TMEM273: variants seen among roughly 807,000 people sequenced by gnomAD.
TMEM273 encodes transmembrane protein 273.
Under a neutral mutation model 17.9 loss-of-function variants are expected in TMEM273, and 19 were observed. The observed-to-expected ratio is 1.06, with a 90% CI of 0.74 to 1.55. The LOEUF (loss-of-function observed/expected upper bound fraction) is 1.55. TMEM273 is among the 40% of genes most tolerant of loss of function. The pLI, the probability that TMEM273 is intolerant of heterozygous loss-of-function variation, is 0.00. For missense variants in TMEM273, 194 were observed against 155.6 expected, an observed-to-expected ratio of 1.25 and a Z score of -1.31; for synonymous variants, 66 against 62.0, an observed-to-expected ratio of 1.07 and a Z score of -0.31.
chr10:49,187,077 AG>A (rs1333363173), intron 1 of TMEM273, among the ~76,000 whole-genome samples: 2 of 152,142 alleles, frequency 1.3e-5, no homozygotes, highest in Non-Finnish European at 2.9e-5. Context: ...TTTTTGTACC[AG>A]GACAGACTAG....
intron 5 of TMEM273, among the ~76,000 whole-genome samples, chr10:49,162,995 C>T (rs1043873592): frequency 6.6e-6 from 1 of 152,224 alleles, no homozygotes; most frequent in African/African-American, 2.4e-5. Context: ...CATCTGAGTG[C>T]TGCCCTTGGG....
rs1846525354 is a variant in TMEM273 at position 49,170,942 on chromosome 10, G to C, written c.44-2980C>G. Among the ~76,000 whole-genome samples the C allele has an allele frequency of 2.0e-5, 3 of 152,350 alleles. No individual in the cohort carries two copies. In the South Asian group the frequency reaches 6.2e-4, roughly 32 times the overall value. ...GTCCCCTGGCTCTGCAAAGTAGCTG[G>C]AGGATGGCTGGCCCTAGCAGGCCTG... is the stretch of plus-strand genomic sequence containing the variant. On this transcript the variant is annotated intron_variant, in intron 1 of 6. Transcript: ENST00000374153.
At position 49,166,998 on chromosome 10, in the gene TMEM273, C is replaced by T. The variant is rs376058804; in HGVS notation, c.109G>A (p.Ala37Thr). ...TPGAEIDFKY[A>T]LIGTAVGVAI... ...ACACCCACAGCAGTCCCGATGAGGG[C>T]GTACTTGAAATCTGAAACGCAGGGA... Residue 37 changes from alanine to threonine, a missense_variant, in exon 3 of 7, where the codon GCC (alanine) becomes ACC (threonine). Coordinates refer to ENST00000374153, the MANE Select transcript of TMEM273 (RefSeq NM_001288740.3). 42 of 1,613,880 alleles carry T rather than the reference C, an allele frequency of 2.6e-5. No individual in the cohort carries two copies. The highest frequency in any genetic ancestry group is 1.6e-4 in the Middle Eastern group (1 of 6,082).
rs143639349 is a variant in TMEM273, at chr10:49,155,880, C to T, written c.*12G>A. ...GCTAGAACCCCTCTTCACGTCACTG[C>T]TCACCTACAGCTCAATCACCTGTGC... On this transcript the variant is annotated 3_prime_UTR_variant, in exon 7 of 7. Transcript: ENST00000374153. The T allele has an allele frequency of 4.3e-6, 7 of 1,614,208 alleles. No individual in the cohort carries two copies. The African/African-American group carries it at 6.7e-5, about 15-fold the overall frequency.
In TMEM273 at chr10:49,166,940, A is replaced by C; in HGVS notation, c.167T>G (p.Ile56Ser). 1 of 1,614,124 alleles carries C rather than the reference A, an allele frequency of 6.2e-7. No individual in the cohort carries two copies. The highest frequency in any genetic ancestry group is 8.5e-7 in the Non-Finnish European group (1 of 1,180,018). ...AAATAAGTGCCTCCTGATCATGCAG[A>C]TCTTCAGGGCCAGGAAGCCAGCAGA... ...AISAGFLALK[I>S]CMIRRHLFDD... The change falls in exon 3 of 7, where the codon ATC (isoleucine) becomes AGC (serine). Residue 56 changes from isoleucine (I) to serine (S), a missense_variant. Physicochemically the swap from Ile to Ser is moderately radical, Grantham distance 142. Coordinates refer to ENST00000374153, the MANE Select transcript of TMEM273 (RefSeq NM_001288740.3).
At chr10:49,174,862 G>A (rs1159071824) in intron 1 of TMEM273, among the ~76,000 whole-genome samples, 4 of 152,156 alleles carry the variant, frequency 2.6e-5, no homozygotes, top group Non-Finnish European at 4.4e-5. Context: ...CTGACGCTAA[G>A]GCTTCTGGAA....
chr10:49,170,836 C>A (rs955421119), intron 1 of TMEM273, among the ~76,000 whole-genome samples: 2 of 152,198 alleles, frequency 1.3e-5, no homozygotes, highest in Non-Finnish European at 1.5e-5. Context: ...GCCGGCCCCA[C>A]CCCTGCATCC....
intron 6 of TMEM273, among the ~76,000 whole-genome samples, chr10:49,160,027 A>G (rs1465258403): frequency 2.0e-5 from 3 of 152,242 alleles, no homozygotes; most frequent in African/African-American, 7.2e-5. Context: ...TAGAATAAAA[A>G]GGCTTCCTTG....
At chr10:49,166,747 T>A (rs1296467698) in intron 3 of TMEM273, 122 bp downstream of exon 3, 12 of 1,455,798 alleles carry the variant, frequency 8.2e-6, no homozygotes, top group Non-Finnish European at 1.1e-5. Flanking sequence ...GTCACTGCCT[T>A]CCTTTACAGC....
chr10:49,166,856 C>T lies in TMEM273; in HGVS notation c.238+13G>A. 1.9e-6 allele frequency: 3 copies of T among 1,613,248 alleles called. No individual in the cohort carries two copies. The highest frequency in any genetic ancestry group is 2.5e-6 in the Non-Finnish European group (3 of 1,179,950). ...GGTGGGGCAGAGCCAGGCCCGAGCA[C>T]CACATCCCTCACCACTGAGGCCCCC... On this transcript the variant is annotated intron_variant, in intron 3 of 6. Transcript: ENST00000374153.
chr10:49,160,437 T>G (rs560874544), intron 6 of TMEM273: 2 of 152,180 alleles, frequency 1.3e-5, no homozygotes, highest in Admixed American at 6.5e-5. Context: ...ACAACGGGGC[T>G]TAGGGACTTC....
chr10:49,175,098 C>G (rs895438148), intron 1 of TMEM273, among the ~76,000 whole-genome samples: 2 of 151,902 alleles, frequency 1.3e-5, no homozygotes, highest in African/African-American at 4.8e-5. Flanking sequence ...TGTGCCCAGA[C>G]AGGGAATGTG....
chr10:49,160,113 A>G (rs961911526), intron 6 of TMEM273, among the ~76,000 whole-genome samples: 1 of 152,250 alleles, frequency 6.6e-6, no homozygotes, highest in Non-Finnish European at 1.5e-5. Context: ...ACCAATGGCA[A>G]AAACTGCTTG....
At chr10:49,158,822 C>G (rs1845670748) in intron 6 of TMEM273, among the ~76,000 whole-genome samples, 2 of 152,226 alleles carry the variant, frequency 1.3e-5, no homozygotes, top group South Asian at 4.2e-4. Context: ...TTAACTCATA[C>G]CACACACCAG....
At chr10:49,176,743 C>T (rs760537981) in intron 1 of TMEM273, among the ~76,000 whole-genome samples, 4 of 152,202 alleles carry the variant, frequency 2.6e-5, no homozygotes, top group East Asian at 1.9e-4. Flanking sequence ...GCAGAGGAAA[C>T]GGCAGCACAC....
chr10:49,179,094 A>T (rs1847181565), intron 1 of TMEM273, among the ~76,000 whole-genome samples: 1 of 152,196 alleles, frequency 6.6e-6, no homozygotes, highest in Non-Finnish European at 1.5e-5. Context: ...AGCAGGGGAG[A>T]GTGAGCCCAG....
intron 1 of TMEM273, chr10:49,178,282 C>T (rs1847123857): frequency 2.2e-6 from 1 of 457,226 alleles, no homozygotes; most frequent in Non-Finnish European, 4.4e-6. Flanking sequence ...GATGGCACGC[C>T]ACCTGTCCCA....
intron 1 of TMEM273, 35 bp downstream of exon 1, chr10:49,188,259 C>T (rs751984505): frequency 4.3e-6 from 7 of 1,612,222 alleles, no homozygotes; most frequent in South Asian, 1.1e-5. Context: ...CACTGAGGCT[C>T]CCCCGGGCCA....
At chr10:49,175,199 A>G (rs966084522) in intron 1 of TMEM273, among the ~76,000 whole-genome samples, 2 of 152,174 alleles carry the variant, frequency 1.3e-5, no homozygotes, top group African/African-American at 4.8e-5. Context: ...GAGCAGGGTC[A>G]GAGCAGCTGG....
Sources: gnomAD v4.1 joint callset for allele counts (sites outside exome capture counted in the v4.1 genomes callset) on GRCh38, gnomAD v4.1.1 for gene constraint, MANE v1.5 for transcripts, NCBI Gene and HGNC (gene_info 2026-07-23, HGNC 2026-07-21) for gene names.